The following PHACTR2 variants were observed in gnomAD, a reference collection of about 807,000 sequenced individuals.
The protein encoded by PHACTR2 is phosphatase and actin regulator 2, also known as chromosome 6 open reading frame 56.
Under a neutral mutation model 76.0 loss-of-function variants are expected in PHACTR2, and 30 were observed. The ratio of observed to expected loss-of-function variants is 0.39; its 90% confidence interval spans 0.30 to 0.54. PHACTR2 has a LOEUF of 0.54. Ranked by LOEUF, PHACTR2 falls within the 20% of genes least tolerant of loss-of-function variation. The pLI is 0.61. For missense variants in PHACTR2, 696 were observed against 781.1 expected (o/e 0.89, Z 1.30); for synonymous variants, 292 against 292.5 (o/e 1.00, Z 0.02).
At chr6:143,552,974 G>T (rs1188523970) in intron 1 of PHACTR2, among the ~76,000 whole-genome samples, 4 of 151,818 alleles carry the variant, frequency 2.6e-5, no homozygotes, top group African/African-American at 9.7e-5. Flanking sequence ...AGGAAAACCG[G>T]CATGATCTCT....
In PHACTR2 at chr6:143,765,522, C is replaced by G; in HGVS notation, c.956C>G (p.Thr319Ser). 1.9e-6 allele frequency: 3 copies of G among 1,614,248 alleles called. No individual in the cohort carries two copies. The highest frequency in any genetic ancestry group is 2.5e-6 in the Non-Finnish European group (3 of 1,180,046). ...GTGGAGAGTTTCAAACTCGAACAGA[C>G]TGTCCCTGGAGCTGAGGAGCAGAAC... ...TRVESFKLEQTVPGAEEQNTG... is the reference protein window; with the variant it reads ...TRVESFKLEQSVPGAEEQNTG... The change falls in exon 6 of 13, where the codon ACT (threonine) becomes AGT (serine). Residue 319 changes from threonine (T) to serine (S), a missense_variant. Thr to Ser is a moderately conservative substitution (Grantham distance 58). This residue lies in a region of PHACTR2 where 460 missense variants were observed against 450.9 expected (regional missense o/e 1.02). Transcript: ENST00000440869. The surrounding 1 kb of genome is among the most constrained non-coding windows in gnomAD (Gnocchi z 4.1).
rs988368538 is a variant in PHACTR2 at position 143,816,772 on chromosome 6, A to T, written c.1923-6902A>T. ...CCAGGATAATATTGGGCTTTCAAAGATTATCTCTTCTGGCTGGGTGCGGTG... is the reference window on the plus strand; with the variant it reads ...CCAGGATAATATTGGGCTTTCAAAGTTTATCTCTTCTGGCTGGGTGCGGTG... On this transcript the variant is annotated intron_variant, in intron 12 of 12. Coordinates refer to ENST00000440869, the MANE Select transcript of PHACTR2 (RefSeq NM_001100164.2). The surrounding 1 kb of genome is among the most constrained non-coding windows in gnomAD (Gnocchi z 4.5). Among the ~76,000 whole-genome samples the T allele has an allele frequency of 1.7e-4, 26 of 152,158 alleles. No individual in the cohort carries two copies. The highest frequency in any genetic ancestry group is 5.8e-4 in the African/African-American group (24 of 41,434).
At chr6:143,756,434 G>A (rs373800812) in intron 4 of PHACTR2, among the ~76,000 whole-genome samples, 102 of 152,276 alleles carry the variant, frequency 6.7e-4, no homozygotes, top group African/African-American at 2.3e-3. Flanking sequence ...CGTGGCTCAC[G>A]CCTGTAATCC....
intron 2 of PHACTR2, among the ~76,000 whole-genome samples, chr6:143,727,487 T>C (rs1280070997): frequency 1.3e-5 from 2 of 152,166 alleles, no homozygotes; most frequent in African/African-American, 4.8e-5. Flanking sequence ...GGTAGCGGGA[T>C]TGCTGGATCA....
intron 1 of PHACTR2, among the ~76,000 whole-genome samples, chr6:143,702,353 C>T (rs751436820): frequency 5.3e-5 from 8 of 152,040 alleles, no homozygotes; most frequent in Non-Finnish European, 8.8e-5. Flanking sequence ...GTGATCTGCC[C>T]GCCTCGTCCT....
chr6:143,712,759 C>G (rs1778207915), intron 2 of PHACTR2, among the ~76,000 whole-genome samples: 1 of 152,034 alleles, frequency 6.6e-6, no homozygotes, highest in Admixed American at 6.6e-5. Context: ...TCTATCATAT[C>G]CTTAGGACAA....
At chr6:143,817,750 C>T (rs923734698) in intron 12 of PHACTR2, among the ~76,000 whole-genome samples, 3 of 152,120 alleles carry the variant, frequency 2.0e-5, no homozygotes, top group Non-Finnish European at 2.9e-5. Flanking sequence ...ATAAGGCAGG[C>T]ACAGAAAGAT....
At chr6:143,796,415 C>CTTTG (rs1201355721) in intron 11 of PHACTR2, among the ~76,000 whole-genome samples, 9 of 96,418 alleles carry the variant, frequency 9.3e-5, no homozygotes, top group Non-Finnish European at 2.0e-4. Flanking sequence ...TTCTTTCTTT[C>CTTTG]TTTGTTTTTA....
chr6:143,705,510 GGT>G (rs1202278666), intron 1 of PHACTR2, among the ~76,000 whole-genome samples: 1 of 151,956 alleles, frequency 6.6e-6, no homozygotes, highest in African/African-American at 2.4e-5. Context: ...TAGCCAAGAT[GGT>G]CTCGATCTCC....
intron 12 of PHACTR2, among the ~76,000 whole-genome samples, chr6:143,817,120 G>A (rs1211695009): frequency 8.1e-6 from 1 of 123,398 alleles, no homozygotes; most frequent in African/African-American, 3.1e-5. Flanking sequence ...TACTCCCTTT[G>A]TTATCCAACC....
rs1222320101 is a variant in PHACTR2 at position 143,809,181 on chromosome 6, A to G, written c.1922+2048A>G. Among the ~76,000 whole-genome samples, 1 of 152,230 alleles carries G rather than the reference A, an allele frequency of 6.6e-6. No individual in the cohort carries two copies. The highest frequency in any genetic ancestry group is 1.5e-5 in the Non-Finnish European group (1 of 68,034). ...TAGCATGATATAAAGAACAAATTAC[A>G]GTCAAAAGGAATCAAATTTTAAAAG... On this transcript the variant is annotated intron_variant, in intron 12 of 12. Transcript: ENST00000440869. This position sits in a 1 kb window ranked among gnomAD's most constrained non-coding sequence, Gnocchi z 4.2.
At chr6:143,762,869 GA>G (rs1989844964) in intron 5 of PHACTR2, among the ~76,000 whole-genome samples, 1 of 152,110 alleles carries the variant, frequency 6.6e-6, no homozygotes, top group Non-Finnish European at 1.5e-5. Context: ...TAACTGAGGA[GA>G]GGCGACATTT....
chr6:143,721,413 C>A (rs925955044), intron 2 of PHACTR2, among the ~76,000 whole-genome samples: 4 of 152,178 alleles, frequency 2.6e-5, no homozygotes, highest in African/African-American at 9.7e-5. Flanking sequence ...TAGTAAAACA[C>A]TTTCATAATT....
chr6:143,569,816 T>C (rs1007292389), intron 1 of PHACTR2, among the ~76,000 whole-genome samples: 1 of 152,204 alleles, frequency 6.6e-6, no homozygotes, highest in Non-Finnish European at 1.5e-5. Flanking sequence ...ATCCAGCAGA[T>C]AAAAGTATAA....
At position 143,652,448 on chromosome 6, in the gene PHACTR2, T is replaced by A. The variant is rs1338790115; in HGVS notation, c.13+44126T>A. On this transcript the variant is annotated intron_variant, in intron 1 of 11. Coordinates refer to the PHACTR2 transcript ENST00000305766. This position sits in a 1 kb window ranked among gnomAD's most constrained non-coding sequence, Gnocchi z 4.5. ...CCTGTATCTGCTGGAATATTTTAGC[T>A]GATGGACATTTGAGCTGGCATTACT... Among the ~76,000 whole-genome samples, 1 of 152,226 alleles carries A rather than the reference T, an allele frequency of 6.6e-6. No individual in the cohort carries two copies. The highest frequency in any genetic ancestry group is 6.5e-5 in the Admixed American group (1 of 15,278).
rs1436526845 is a variant in PHACTR2 at position 143,688,952 on chromosome 6, A to G, written c.46+10743A>G. Among the ~76,000 whole-genome samples, 2 of 152,190 alleles carry G rather than the reference A, an allele frequency of 1.3e-5. No homozygotes were observed. The highest frequency in any genetic ancestry group is 2.9e-5 in the Non-Finnish European group (2 of 68,024). On this transcript the variant is annotated intron_variant, in intron 1 of 12. Transcript: ENST00000440869. This position sits in a 1 kb window ranked among gnomAD's most constrained non-coding sequence, Gnocchi z 5.2. ...CATAGTATGGCCCTCGAGGCTCTAC[A>G]TGAGCCTATATGATCCCTGCCCACC...
At position 143,683,571 on chromosome 6, in the gene PHACTR2, G is replaced by T. The variant is rs1393217956; in HGVS notation, c.46+5362G>T. On this transcript the variant is annotated intron_variant, in intron 1 of 12. Transcript: ENST00000440869. The surrounding 1 kb of genome is among the most constrained non-coding windows in gnomAD (Gnocchi z 4.1). ...AGACAAGAGAACAAGTAAATAAAGTGTGCAGGATCACACCTATGTTGTGAT... is the reference window on the plus strand; with the variant it reads ...AGACAAGAGAACAAGTAAATAAAGTTTGCAGGATCACACCTATGTTGTGAT... Among the ~76,000 whole-genome samples the T allele has an allele frequency of 1.3e-5, 2 of 152,140 alleles. No individual in the cohort carries two copies. Among genetic ancestry groups the T allele is most frequent in the Non-Finnish European group, 2.9e-5 (2 of 68,022 alleles).
upstream of PHACTR2, among the ~76,000 whole-genome samples, chr6:143,604,473 G>T (rs1418222528): frequency 6.6e-6 from 1 of 152,128 alleles, no homozygotes; most frequent in East Asian, 1.9e-4. Flanking sequence ...ATCTGAACTG[G>T]CCTTTATCCC....
At position 143,683,673 on chromosome 6, in the gene PHACTR2, A is replaced by G. The variant is rs1777448990; in HGVS notation, c.46+5464A>G. On this transcript the variant is annotated intron_variant, in intron 1 of 12. Transcript: ENST00000440869. This position sits in a 1 kb window ranked among gnomAD's most constrained non-coding sequence, Gnocchi z 4.1. Reference sequence around the variant, plus strand: ...TGTATTTGTCTTGTCCAGAATATTTATCCATTTCCTTGTAAACCAGGCACA... The same window carrying G: ...TGTATTTGTCTTGTCCAGAATATTTGTCCATTTCCTTGTAAACCAGGCACA... 6.6e-6 allele frequency among the ~76,000 whole-genome samples: 1 copy of G among 152,170 alleles called. No individual in the cohort carries two copies. Among genetic ancestry groups the G allele is most frequent in the Non-Finnish European group, 1.5e-5 (1 of 68,038 alleles).
Sources: gnomAD v4.1 joint callset for allele counts (sites outside exome capture counted in the v4.1 genomes callset) on GRCh38, gnomAD v4.1.1 for gene constraint, gnomAD v4.1.1 regional missense constraint, Gnocchi (gnomAD v3.1) non-coding constraint, MANE v1.5 for transcripts, NCBI Gene and HGNC (gene_info 2026-07-23, HGNC 2026-07-21) for gene names.